Variants in LRRC4C observed in about 807,000 individuals in gnomAD.
LRRC4C encodes leucine rich repeat containing 4C.
In LRRC4C, 5 loss-of-function variants were observed where a neutral mutation model predicts 33.6. The observed-to-expected ratio is 0.15, with a 90% CI of 0.08 to 0.31. The LOEUF is 0.31. Ranked by LOEUF, LRRC4C falls within the 10% of genes least tolerant of loss-of-function variation. The pLI, the probability that LRRC4C is intolerant of heterozygous loss-of-function variation, is 1.00. For missense variants in LRRC4C, 560 were observed against 796.7 expected, an observed-to-expected ratio of 0.70 and a Z score of 3.58; for synonymous variants, 329 against 302.0, an observed-to-expected ratio of 1.09 and a Z score of -0.93.
chr11:41,280,047 A>G (rs1011237073), intron 1 of LRRC4C, among the ~76,000 whole-genome samples: 3 of 152,102 alleles, frequency 2.0e-5, no homozygotes, highest in Non-Finnish European at 2.9e-5. Flanking sequence ...TGAATATTTT[A>G]TAGTATGTTT....
intron 3 of LRRC4C, among the ~76,000 whole-genome samples, chr11:40,438,123 G>A (rs1951223233): frequency 6.6e-6 from 1 of 152,198 alleles, no homozygotes; most frequent in African/African-American, 2.4e-5. Flanking sequence ...AGCACACTGT[G>A]ATCTCAATGC....
chr11:41,003,687 A>G (rs1854539674), intron 1 of LRRC4C, among the ~76,000 whole-genome samples: 1 of 151,840 alleles, frequency 6.6e-6, no homozygotes, highest in Admixed American at 6.6e-5. Context: ...TTCAAGGGAG[A>G]GAAGAGACAT....
At chr11:41,093,090 T>C (rs1396238109) in intron 1 of LRRC4C, among the ~76,000 whole-genome samples, 9 of 152,234 alleles carry the variant, frequency 5.9e-5, no homozygotes, top group Non-Finnish European at 7.3e-5. Flanking sequence ...CTGTTGATAA[T>C]AGTTATTTTC....
At chr11:40,358,643 G>T (rs1403764337) in intron 3 of LRRC4C, among the ~76,000 whole-genome samples, 1 of 152,040 alleles carries the variant, frequency 6.6e-6, no homozygotes, top group Non-Finnish European at 1.5e-5. Context: ...ACTGATCACT[G>T]CCATGGTGCC....
intron 4 of LRRC4C, among the ~76,000 whole-genome samples, chr11:40,290,311 CA>C (rs1410743738): frequency 1.3e-5 from 2 of 152,038 alleles, no homozygotes; most frequent in Non-Finnish European, 2.9e-5. Context: ...AAAAAAAGTG[CA>C]GAGAACTATG....
intron 1 of LRRC4C, among the ~76,000 whole-genome samples, chr11:41,153,659 C>G (rs140177560): frequency 6.6e-6 from 1 of 152,098 alleles, no homozygotes; most frequent in African/African-American, 2.4e-5. Flanking sequence ...CACTATTTTT[C>G]TTATGAATAT....
chr11:41,119,072 C>T (rs1180149047), intron 1 of LRRC4C, among the ~76,000 whole-genome samples: 1 of 151,478 alleles, frequency 6.6e-6, no homozygotes, highest in Non-Finnish European at 1.5e-5. Flanking sequence ...AATTCATTAT[C>T]ATCCATGGCT....
At chr11:41,270,225 C>T (rs962862576) in intron 1 of LRRC4C, among the ~76,000 whole-genome samples, 1 of 152,076 alleles carries the variant, frequency 6.6e-6, no homozygotes, top group Non-Finnish European at 1.5e-5. Flanking sequence ...TTCCTTCATA[C>T]TCCTTCAGTG....
chr11:40,320,364 G>A (rs564226569), intron 3 of LRRC4C, among the ~76,000 whole-genome samples: 70 of 152,180 alleles, frequency 4.6e-4, no homozygotes, highest in Non-Finnish European at 8.4e-4. Flanking sequence ...AATTAGCCAG[G>A]TATGGTGGTG....
intron 5 of LRRC4C, among the ~76,000 whole-genome samples, chr11:40,188,005 T>C (rs1303181326): frequency 6.6e-6 from 1 of 152,150 alleles, no homozygotes; most frequent in African/African-American, 2.4e-5. Context: ...AAGGGAATTA[T>C]GTTTAAAGAT....
At chr11:41,221,156 A>T (rs1184296169) in intron 1 of LRRC4C, among the ~76,000 whole-genome samples, 1 of 152,030 alleles carries the variant, frequency 6.6e-6, no homozygotes, top group Admixed American at 6.6e-5. Context: ...CCACCTTCCG[A>T]AAGGACCCAG....
chr11:41,140,394 C>T (rs560140399), intron 1 of LRRC4C, among the ~76,000 whole-genome samples: 36 of 141,780 alleles, frequency 2.5e-4, no homozygotes, highest in Admixed American at 2.1e-3. Flanking sequence ...TTTTGCTTCA[C>T]AAATGATTAG....
intron 4 of LRRC4C, among the ~76,000 whole-genome samples, chr11:40,258,228 C>A (rs1282052956): frequency 2.6e-5 from 4 of 152,104 alleles, no homozygotes. Context: ...GGATTTGGAT[C>A]CAATCTAAAT....
chr11:40,750,123 G>C (rs1268293139), intron 2 of LRRC4C, among the ~76,000 whole-genome samples: 2 of 152,106 alleles, frequency 1.3e-5, no homozygotes, highest in Non-Finnish European at 2.9e-5. Context: ...TTGGGAGGCT[G>C]AGGCAGGAGA....
At chr11:41,173,311 C>A (rs899597976) in intron 1 of LRRC4C, among the ~76,000 whole-genome samples, 2 of 152,076 alleles carry the variant, frequency 1.3e-5, no homozygotes, top group African/African-American at 4.8e-5. Context: ...GCTGTAGATT[C>A]AAAACTACCA....
Position 40,294,597 on chromosome 11 carries a change from G to C in LRRC4C, c.-176+25031C>G, listed in dbSNP as rs527673557. ...TAATCCCAGCCCTTTGGGAGGCCAA[G>C]GTGGGCGGATCATGAGGTCAGGAGA... On this transcript the variant is annotated intron_variant, in intron 4 of 6. Transcript: ENST00000528697. Among the ~76,000 whole-genome samples, 12 of 152,074 alleles carry C rather than the reference G, an allele frequency of 7.9e-5. No individual in the cohort carries two copies. In the East Asian group the frequency reaches 1.9e-3, roughly 25 times the overall value.
intron 4 of LRRC4C, among the ~76,000 whole-genome samples, chr11:40,302,382 T>C (rs1944816214): frequency 6.6e-6 from 1 of 152,216 alleles, no homozygotes; most frequent in Admixed American, 6.5e-5. Flanking sequence ...TTATTGTTCT[T>C]ATTTATTTTA....
At chr11:40,362,540 C>A (rs1002945246) in intron 3 of LRRC4C, among the ~76,000 whole-genome samples, 5 of 152,050 alleles carry the variant, frequency 3.3e-5, no homozygotes, top group Admixed American at 2.0e-4. Context: ...GCCAACATGA[C>A]AAAACCCTGT....
intron 2 of LRRC4C, among the ~76,000 whole-genome samples, chr11:40,715,297 A>C (rs1946650194): frequency 6.6e-6 from 1 of 152,234 alleles, no homozygotes; most frequent in African/African-American, 2.4e-5. Flanking sequence ...CTTAGAAAAT[A>C]GTTTTCACTA....
Sources: gnomAD v4.1 joint callset for allele counts (sites outside exome capture counted in the v4.1 genomes callset) on GRCh38, gnomAD v4.1.1 for gene constraint, MANE v1.5 for transcripts, NCBI Gene and HGNC (gene_info 2026-07-23, HGNC 2026-07-21) for gene names.